Variants in PXDNL observed in about 807,000 individuals in gnomAD.
PXDNL encodes the protein peroxidasin like.
In PXDNL, 145 loss-of-function variants were observed where a neutral mutation model predicts 150.8. That is an observed-to-expected ratio of 0.96 (90% CI 0.84 to 1.10). The LOEUF (loss-of-function observed/expected upper bound fraction) is 1.10, where lower values mean the gene tolerates loss of function less well. Ranked by LOEUF, PXDNL falls within the 50% of genes least tolerant of loss-of-function variation. The pLI, the probability that PXDNL is intolerant of heterozygous loss-of-function variation, is 0.00. For synonymous variants in PXDNL, 757 were observed against 725.7 expected, an observed-to-expected ratio of 1.04 and a Z score of -0.69; for missense variants, 2,087 against 1,873.9, an observed-to-expected ratio of 1.11 and a Z score of -2.10.
intron 2 of PXDNL, among the ~76,000 whole-genome samples, chr8:51,628,632 T>C (rs772321725): frequency 1.3e-4 from 20 of 151,882 alleles, no homozygotes; most frequent in Non-Finnish European, 1.9e-4. Flanking sequence ...CTCGATCTCC[T>C]GACCTTGTGA....
At chr8:51,356,456 T>C (rs1323971843) in intron 19 of PXDNL, among the ~76,000 whole-genome samples, 1 of 146,018 alleles carries the variant, frequency 6.8e-6, no homozygotes, top group Non-Finnish European at 1.5e-5. Flanking sequence ...CCCATTGCAC[T>C]CCAGTGGTGA....
At chr8:51,352,120 G>A (rs941707132) in intron 19 of PXDNL, among the ~76,000 whole-genome samples, 12 of 151,788 alleles carry the variant, frequency 7.9e-5, no homozygotes, top group Non-Finnish European at 1.5e-4. Flanking sequence ...CACTGCCCTC[G>A]ACTTACTCTC....
intron 4 of PXDNL, among the ~76,000 whole-genome samples, chr8:51,517,335 T>C (rs963853308): frequency 1.8e-4 from 27 of 152,188 alleles, no homozygotes; most frequent in Non-Finnish European, 4.0e-4. Flanking sequence ...ATAATCAAAA[T>C]ATACGAAAAT....
chr8:51,615,503 G>A (rs145917041), intron 2 of PXDNL, among the ~76,000 whole-genome samples: 277 of 152,188 alleles, frequency 1.8e-3, no homozygotes, highest in African/African-American at 6.5e-3. Context: ...CATTGTTAAA[G>A]TAGAGAATTC....
intron 2 of PXDNL, among the ~76,000 whole-genome samples, chr8:51,613,789 T>A (rs970493560): frequency 6.6e-6 from 1 of 152,222 alleles, no homozygotes; most frequent in Non-Finnish European, 1.5e-5. Context: ...TATTGCTTGT[T>A]CATCCTTACA....
chr8:51,431,276 G>A (rs921496962), intron 12 of PXDNL, among the ~76,000 whole-genome samples: 2 of 151,996 alleles, frequency 1.3e-5, no homozygotes, highest in Non-Finnish European at 2.9e-5. Flanking sequence ...GGAAAAACAG[G>A]CCCTTCCACT....
At chr8:51,329,973 G>C (rs927687237) in intron 21 of PXDNL, among the ~76,000 whole-genome samples, 8 of 152,322 alleles carry the variant, frequency 5.3e-5, no homozygotes, top group South Asian at 4.1e-4. Flanking sequence ...AGATTAGTCT[G>C]AGTCTGAAGG....
chr8:51,464,140 G>C (rs1023251704), intron 8 of PXDNL, among the ~76,000 whole-genome samples: 1 of 152,120 alleles, frequency 6.6e-6, no homozygotes, highest in African/African-American at 2.4e-5. Flanking sequence ...GAGGCAGGAG[G>C]ACTTTTTAAG....
chr8:51,429,756 A>C (rs890144383), intron 12 of PXDNL, among the ~76,000 whole-genome samples: 5 of 151,368 alleles, frequency 3.3e-5, no homozygotes, highest in African/African-American at 1.2e-4. Context: ...CGACTAAGGA[A>C]ATAAGAGCTT....
chr8:51,769,435 G>A (rs140284175), intron 1 of PXDNL, among the ~76,000 whole-genome samples: 3 of 152,328 alleles, frequency 2.0e-5, no homozygotes, highest in African/African-American at 7.2e-5. Context: ...AACTCATGAT[G>A]GGATTAACCT....
chr8:51,760,845 C>CTTTTTTTT lies in PXDNL; in HGVS notation c.164+48328_164+48335dup, dbSNP rs71237237. On this transcript the variant is annotated intron_variant, in intron 1 of 22. Coordinates refer to ENST00000356297, the MANE Select transcript of PXDNL (RefSeq NM_144651.5). Reference sequence around the variant, plus strand: ...GTTAGCCTGAAGGAAATCACTTAAACTTTTTTTTTTTTTTTTTTTTTTTTT... The same window carrying CTTTTTTTT: ...GTTAGCCTGAAGGAAATCACTTAAACTTTTTTTTTTTTTTTTTTTTTTTTTTTTTTTTT... Among the ~76,000 whole-genome samples the CTTTTTTTT allele has an allele frequency of 2.8e-3, 126 of 45,486 alleles. 43 individuals carry two copies. The highest frequency in any genetic ancestry group is 9.4e-3 in the East Asian group (9 of 954). 29.8% of individuals were successfully genotyped at this position (45,486 alleles called of 152,430 possible). A position where few individuals can be genotyped will look rare whatever the true frequency, so the allele number is the denominator to read the frequency against.
intron 4 of PXDNL, among the ~76,000 whole-genome samples, chr8:51,539,100 G>T (rs982448959): frequency 2.0e-5 from 3 of 152,026 alleles, no homozygotes; most frequent in African/African-American, 7.2e-5. Flanking sequence ...TTCACCAAGG[G>T]TCTTTCCTAG....
intron 12 of PXDNL, 53 bp downstream of exon 12, chr8:51,446,951 C>A: frequency 6.4e-7 from 1 of 1,559,250 alleles, no homozygotes; most frequent in Non-Finnish European, 8.8e-7. Context: ...GTGTTAAAGA[C>A]ACAGGCAGAA....
intron 2 of PXDNL, among the ~76,000 whole-genome samples, chr8:51,640,117 AATAGATGC>A (rs1279342390): frequency 6.6e-6 from 1 of 152,212 alleles, no homozygotes; most frequent in Non-Finnish European, 1.5e-5. Flanking sequence ...TGATTATCTC[AATAGATGC>A]AGATAAGGCC....
At chr8:51,644,814 G>A (rs1055862596) in intron 2 of PXDNL, among the ~76,000 whole-genome samples, 3 of 151,844 alleles carry the variant, frequency 2.0e-5, no homozygotes, top group Non-Finnish European at 4.4e-5. Context: ...CGTGAAGGGG[G>A]CTGAGTCTAG....
intron 1 of PXDNL, among the ~76,000 whole-genome samples, chr8:51,695,034 C>T (rs1816086557): frequency 6.6e-6 from 1 of 152,090 alleles, no homozygotes; most frequent in Non-Finnish European, 1.5e-5. Flanking sequence ...TAGGTGAGGC[C>T]ATGTGCATAA....
In PXDNL at chr8:51,571,497, C is replaced by T. The variant is rs1055511013; in HGVS notation, c.309-14586G>A. On this transcript the variant is annotated intron_variant, in intron 3 of 22. Transcript: ENST00000356297. ...ATGTCATTTTGAGAGAGATTGTGCCCAACTGTAAAAATAAGGCTTAAGCTA... is the reference window on the plus strand; with the variant it reads ...ATGTCATTTTGAGAGAGATTGTGCCTAACTGTAAAAATAAGGCTTAAGCTA... 7.2e-5 allele frequency among the ~76,000 whole-genome samples: 11 copies of T among 151,796 alleles called. No homozygotes were observed. In the East Asian group the frequency reaches 1.6e-3, roughly 21 times the overall value.
chr8:51,427,316 G>GTGTT, intron 12 of PXDNL, among the ~76,000 whole-genome samples: 1 of 152,024 alleles, frequency 6.6e-6, no homozygotes, highest in Non-Finnish European at 1.5e-5. Context: ...ATTTGACCCA[G>GTGTT]TGTTTAAAAA....
At chr8:51,641,828 C>T (rs1225128310) in intron 2 of PXDNL, among the ~76,000 whole-genome samples, 1 of 151,996 alleles carries the variant, frequency 6.6e-6, no homozygotes, top group Non-Finnish European at 1.5e-5. Context: ...ACTAGAAATA[C>T]CATTTGACCC....
Sources: allele counts gnomAD v4.1 joint callset (sites outside exome capture counted in the v4.1 genomes callset), GRCh38; gene constraint gnomAD v4.1.1; transcripts MANE v1.5; gene names NCBI Gene and HGNC (gene_info 2026-07-23, HGNC 2026-07-21).